The following DNAH8 variants were observed in gnomAD, a reference collection of about 807,000 sequenced individuals.
DNAH8 encodes dynein axonemal heavy chain 8, also known as axonemal beta dynein heavy chain 8.
A neutral mutation model predicts 562.1 loss-of-function variants in DNAH8; 382 were observed. The ratio of observed to expected loss-of-function variants is 0.68; its 90% CI spans 0.63 to 0.74. The LOEUF (loss-of-function observed/expected upper bound fraction) is 0.74, where lower values mean the gene tolerates loss of function less well. DNAH8 is among the 30% of genes least tolerant of loss of function. DNAH8 has a pLI of 0.00. For missense variants in DNAH8, 5,203 were observed against 5,620.4 expected (o/e 0.93, Z 2.37); for synonymous variants, 1,881 against 1,919.4 (o/e 0.98, Z 0.52).
chr6:38,790,522 G>A, intron 20 of DNAH8, 117 bp downstream of exon 20: 1 of 535,392 alleles, frequency 1.9e-6, no homozygotes, highest in East Asian at 3.6e-5. Context: ...ACATCCGTTA[G>A]GTTTAAAATA....
At position 38,872,734 on chromosome 6, in the gene DNAH8, G is replaced by A; in HGVS notation, c.7189G>A (p.Asp2397Asn). The A allele has an allele frequency of 1.2e-6, 2 of 1,614,126 alleles. No individual in the cohort carries two copies. Among genetic ancestry groups the A allele is most frequent in the Non-Finnish European group, 1.7e-6 (2 of 1,179,984 alleles). Reference protein sequence around the residue: ...RLDTATNDWTDGIFSTLWRKT... With the variant: ...RLDTATNDWTNGIFSTLWRKT... The stretch of plus-strand genomic sequence containing the variant: ...GGACACTGCTACCAATGACTGGACA[G>A]ATGGGATTTTTTCTACTCTGTGGAG... The change falls in exon 50 of 93, where the codon GAT (aspartate) becomes AAT (asparagine). Residue 2397 changes from aspartate to asparagine, a missense_variant. By Grantham distance (23) the Asp-to-Asn change is conservative (BLOSUM62 1). This residue lies in a region of DNAH8 where 2,176 missense variants were observed against 2,365.1 expected (regional missense o/e 0.92). Coordinates refer to ENST00000327475, the MANE Select transcript of DNAH8 (RefSeq NM_001206927.2).
chr6:38,754,293 T>C (rs970538302), intron 9 of DNAH8, among the ~76,000 whole-genome samples: 44 of 152,140 alleles, frequency 2.9e-4, no homozygotes, highest in African/African-American at 9.9e-4. Context: ...GCCCTCTTTA[T>C]TGGAGTTTAG....
intron 82 of DNAH8, among the ~76,000 whole-genome samples, chr6:38,958,826 G>A (rs1311550111): frequency 6.6e-6 from 1 of 151,936 alleles, no homozygotes; most frequent in Non-Finnish European, 1.5e-5. Context: ...AAAACACAAG[G>A]ACACAACAAA....
chr6:38,743,480 A>T (rs570638784), intron 8 of DNAH8, among the ~76,000 whole-genome samples: 10 of 152,280 alleles, frequency 6.6e-5, no homozygotes, highest in South Asian at 6.2e-4. Context: ...TATCACCACG[A>T]TCCAATTTTG....
intron 57 of DNAH8, among the ~76,000 whole-genome samples, chr6:38,890,374 A>G (rs1347375695): frequency 6.6e-6 from 1 of 152,210 alleles, no homozygotes; most frequent in Non-Finnish European, 1.5e-5. Flanking sequence ...TACTAAGCTC[A>G]TGTTAAAATG....
intron 83 of DNAH8, among the ~76,000 whole-genome samples, chr6:38,972,331 G>A (rs1763402146): frequency 6.6e-6 from 1 of 151,926 alleles, no homozygotes; most frequent in Non-Finnish European, 1.5e-5. Context: ...CTTTTCCCTG[G>A]GAATTAATGA....
intron 1 of DNAH8, among the ~76,000 whole-genome samples, chr6:38,718,296 ATTT>A: frequency 6.6e-6 from 1 of 152,010 alleles, no homozygotes; most frequent in South Asian, 2.1e-4. Flanking sequence ...AGTTGGTAAG[ATTT>A]TTTCATTTTT....
chr6:38,870,578 T>A lies in DNAH8; in HGVS notation c.6990+16T>A, dbSNP rs993121871. ...ACTCGTGCAGGTAAAGACATTTTAA[T>A]CTATTATTAGTATAATGATAAGTAT... On this transcript the variant is annotated intron_variant, in intron 49 of 92. Coordinates refer to ENST00000327475, the MANE Select transcript of DNAH8 (RefSeq NM_001206927.2). 6.2e-7 allele frequency: 1 copy of A among 1,605,694 alleles called. No individual in the cohort carries two copies. The highest frequency in any genetic ancestry group is 8.5e-7 in the Non-Finnish European group (1 of 1,175,282).
At chr6:38,921,312 T>A (rs986070501) in intron 70 of DNAH8, 57 bp from the exon 71 acceptor site, 1 of 1,573,802 alleles carries the variant, frequency 6.4e-7, no homozygotes, top group Non-Finnish European at 8.6e-7. Context: ...TATCTACCAG[T>A]TACAATCATG....
intron 77 of DNAH8, among the ~76,000 whole-genome samples, chr6:38,936,134 A>C (rs1782944708): frequency 6.6e-6 from 1 of 151,786 alleles, no homozygotes; most frequent in African/African-American, 2.4e-5. Flanking sequence ...GGATCACCTG[A>C]GGTCAGGAGT....
intron 21 of DNAH8, among the ~76,000 whole-genome samples, chr6:38,802,318 C>T (rs1252804628): frequency 4.6e-5 from 7 of 151,496 alleles, no homozygotes; most frequent in Admixed American, 4.6e-4. Context: ...GATCATGGCT[C>T]CTGCAGCCTT....
At chr6:38,851,359 C>T (rs1185727430) in intron 38 of DNAH8, among the ~76,000 whole-genome samples, 3 of 152,202 alleles carry the variant, frequency 2.0e-5, no homozygotes, top group Non-Finnish European at 4.4e-5. Flanking sequence ...GATGATGGGG[C>T]AGCCTTGCTC....
chr6:38,994,971 T>G (rs1765041509), intron 88 of DNAH8, among the ~76,000 whole-genome samples: 1 of 152,140 alleles, frequency 6.6e-6, no homozygotes, highest in Non-Finnish European at 1.5e-5. Flanking sequence ...TATTCTGTTT[T>G]CCTTTCTATT....
Position 38,909,545 on chromosome 6 carries a change from T to A in DNAH8, c.9541T>A (p.Leu3181Met), listed in dbSNP as rs1780724297. 1.9e-6 allele frequency: 3 copies of A among 1,614,180 alleles called. No individual in the cohort carries two copies. Among genetic ancestry groups the A allele is most frequent in the Non-Finnish European group, 2.5e-6 (3 of 1,180,008 alleles). Residue 3181 changes from leucine to methionine, a missense_variant, in exon 65 of 93, where the codon TTG becomes ATG. Leu to Met is a conservative substitution (Grantham distance 15). This residue lies in a region of DNAH8 where 977 missense variants were observed against 1,061.8 expected (regional missense o/e 0.92). Coordinates refer to ENST00000327475, the MANE Select transcript of DNAH8 (RefSeq NM_001206927.2). ...PVGEKFRARS[L>M]KFPGLISGCT... ...TGGTGAGAAGTTCCGTGCCCGTTCT[T>A]TGAAATTTCCTGGCTTGATATCAGG...
Position 39,012,361 on chromosome 6 carries a change from G to A in DNAH8, c.13518G>A (p.Met4506Ile). The stretch of plus-strand genomic sequence containing the variant: ...TGGCCATTGAAGGAACAATCATTAT[G>A]AGTGAGGTGAGCTGTTATTACATCA... ...LKLAIEGTIIMSENLRDALDN... is the reference protein window; with the variant it reads ...LKLAIEGTIIISENLRDALDN... The change falls in exon 90 of 93, where the codon ATG (methionine) becomes ATA (isoleucine). Residue 4506 changes from methionine (M) to isoleucine (I), a missense_variant. Met to Ile is a conservative substitution (Grantham distance 10, BLOSUM62 1). Around this residue, in one of 6 missense-constraint regions of DNAH8, gnomAD observed 1,399 missense variants for 1,518.4 expected, o/e 0.92. Transcript: ENST00000327475. The A allele has an allele frequency of 6.2e-7, 1 of 1,612,124 alleles. No homozygotes were observed. Among genetic ancestry groups the A allele is most frequent in the Non-Finnish European group, 8.5e-7 (1 of 1,178,464 alleles).
rs1172358712 is a variant in DNAH8, at chr6:38,923,100, G to T, written c.10705G>T (p.Ala3569Ser). 5.6e-6 allele frequency: 9 copies of T among 1,613,666 alleles called. No homozygotes were observed. Among genetic ancestry groups the T allele is most frequent in the Admixed American group, 1.7e-5 (1 of 59,970 alleles). Residue 3569 changes from alanine (A) to serine (S), a missense_variant, in exon 72 of 93, where the codon GCC becomes TCC. This residue lies in a region of DNAH8 where 1,399 missense variants were observed against 1,518.4 expected (regional missense o/e 0.92). Coordinates refer to ENST00000327475, the MANE Select transcript of DNAH8 (RefSeq NM_001206927.2). ...TGATACGTGCCGGAAAAAGATGCAG[G>T]CCGCCTCCACTCTCATCGATGGGCT... Reference protein sequence around the residue: ...DADTCRKKMQAASTLIDGLSG... With the variant: ...DADTCRKKMQSASTLIDGLSG...
intron 17 of DNAH8, among the ~76,000 whole-genome samples, chr6:38,785,931 T>G (rs1218243479): frequency 6.6e-6 from 1 of 152,196 alleles, no homozygotes; most frequent in Non-Finnish European, 1.5e-5. Context: ...TTACTAGAAG[T>G]TTGATGTGGC....
chr6:38,957,111 G>A (rs1364806781), intron 82 of DNAH8, among the ~76,000 whole-genome samples: 2 of 151,962 alleles, frequency 1.3e-5, no homozygotes, highest in African/African-American at 4.8e-5. Flanking sequence ...ATGCAAATGG[G>A]CACCATAAAA....
chr6:38,862,303 C>T lies in DNAH8; in HGVS notation c.6155C>T (p.Ala2052Val). 6.2e-7 allele frequency: 1 copy of T among 1,613,844 alleles called. No individual in the cohort carries two copies. ...AGATGCTATATCACGTTAGCTCAGGCCTTGGGCATGAACATGGGAGGTGCT... is the reference window on the plus strand; with the variant it reads ...AGATGCTATATCACGTTAGCTCAGGTCTTGGGCATGAACATGGGAGGTGCT... ...TDRCYITLAQ[A>V]LGMNMGGAPA... The change falls in exon 44 of 93, where the codon GCC becomes GTC. Residue 2052 changes from alanine (A) to valine (V), a missense_variant. By Grantham distance (64) the Ala-to-Val change is moderately conservative. This residue lies in a region of DNAH8 where 2,176 missense variants were observed against 2,365.1 expected (regional missense o/e 0.92). Transcript: ENST00000327475.
Sources: gnomAD v4.1 joint callset for allele counts (sites outside exome capture counted in the v4.1 genomes callset) on GRCh38, gnomAD v4.1.1 for gene constraint, gnomAD v4.1.1 regional missense constraint, MANE v1.5 for transcripts, NCBI Gene and HGNC (gene_info 2026-07-23, HGNC 2026-07-21) for gene names.